PXDNL: variants seen among roughly 807,000 people sequenced by gnomAD.
PXDNL encodes the protein peroxidasin like, also known as probable oxidoreductase PXDNL.
A neutral mutation model predicts 150.8 loss-of-function variants in PXDNL; 145 were observed. The ratio of observed to expected loss-of-function variants is 0.96; its 90% CI spans 0.84 to 1.10. The LOEUF (loss-of-function observed/expected upper bound fraction) is 1.10, where lower values mean the gene tolerates loss of function less well. Among genes scored for constraint, PXDNL ranks in the 50% least tolerant of loss-of-function variants. PXDNL has a pLI of 0.00. For synonymous variants in PXDNL, 757 were observed against 725.7 expected, an observed-to-expected ratio of 1.04 and a Z score of -0.69; for missense variants, 2,087 against 1,873.9, an observed-to-expected ratio of 1.11 and a Z score of -2.10.
At chr8:51,397,812 T>G (rs1450770986) in intron 17 of PXDNL, among the ~76,000 whole-genome samples, 1 of 152,120 alleles carries the variant, frequency 6.6e-6, no homozygotes, top group Non-Finnish European at 1.5e-5. Flanking sequence ...CGTGCATGTT[T>G]GTTACATATG....
rs117339150 is a variant in PXDNL at position 51,650,574 on chromosome 8, G to A, written c.236+4115C>T. Among the ~76,000 whole-genome samples the A allele has an allele frequency of 3.7e-3, 568 of 152,210 alleles. 4 individuals carry two copies. The highest frequency in any genetic ancestry group is 5.6e-3 in the Non-Finnish European group (378 of 68,008). On this transcript the variant is annotated intron_variant, in intron 2 of 22. Transcript: ENST00000356297. ...AGCTAGCACTGTATTCAGTGCTCAGGCCCTGTTGCTTGTGGAAATTGCCCT... is the reference window on the plus strand; with the variant it reads ...AGCTAGCACTGTATTCAGTGCTCAGACCCTGTTGCTTGTGGAAATTGCCCT...
chr8:51,482,982 G>A (rs1439627214), intron 6 of PXDNL, among the ~76,000 whole-genome samples: 1 of 152,084 alleles, frequency 6.6e-6, no homozygotes, highest in Admixed American at 6.5e-5. Flanking sequence ...ATCTTTTTCT[G>A]ATAACTGGAA....
At chr8:51,690,416 G>A (rs1318095245) in intron 1 of PXDNL, among the ~76,000 whole-genome samples, 1 of 152,000 alleles carries the variant, frequency 6.6e-6, no homozygotes. Context: ...GAGAACATGT[G>A]GTGTTTGGTT....
chr8:51,754,281 G>T (rs1487245348), intron 1 of PXDNL, among the ~76,000 whole-genome samples: 1 of 152,142 alleles, frequency 6.6e-6, no homozygotes, highest in African/African-American at 2.4e-5. Context: ...GAATACCCAG[G>T]TGCCAAATCC....
intron 1 of PXDNL, among the ~76,000 whole-genome samples, chr8:51,716,616 T>G (rs562761990): frequency 1.2e-3 from 179 of 152,336 alleles, no homozygotes; most frequent in Non-Finnish European, 2.0e-3. Flanking sequence ...GTGTAAGAGC[T>G]CCAAACGTGT....
intron 2 of PXDNL, among the ~76,000 whole-genome samples, chr8:51,604,254 G>A (rs1173440584): frequency 1.3e-5 from 2 of 152,112 alleles, no homozygotes; most frequent in African/African-American, 2.4e-5. Flanking sequence ...CAACCCAAAT[G>A]TCCAACAACA....
intron 4 of PXDNL, among the ~76,000 whole-genome samples, chr8:51,548,098 A>G (rs1316204138): frequency 2.6e-5 from 4 of 151,112 alleles, no homozygotes; most frequent in Non-Finnish European, 5.9e-5. Context: ...AGAATTCAAA[A>G]AAAAAAAAAA....
intron 1 of PXDNL, among the ~76,000 whole-genome samples, chr8:51,801,309 C>T (rs890860018): frequency 6.6e-6 from 1 of 151,074 alleles, no homozygotes; most frequent in Admixed American, 6.6e-5. Context: ...TCTCTGTTCT[C>T]GAACCCTGTT....
intron 14 of PXDNL, among the ~76,000 whole-genome samples, chr8:51,416,921 T>C (rs1021217126): frequency 2.0e-5 from 3 of 152,260 alleles, no homozygotes; most frequent in African/African-American, 2.4e-5. Context: ...ATGTCAGTTA[T>C]GATTTTTTAA....
At chr8:51,500,040 C>T (rs1235424016) in intron 4 of PXDNL, among the ~76,000 whole-genome samples, 1 of 151,928 alleles carries the variant, frequency 6.6e-6, no homozygotes, top group Non-Finnish European at 1.5e-5. Context: ...CCTCTTGAGT[C>T]GATGCTAACT....
chr8:51,575,252 G>T (rs73588746), intron 3 of PXDNL, among the ~76,000 whole-genome samples: 8,068 of 151,182 alleles, frequency 0.053, 517 homozygotes, highest in African/African-American at 0.16. Context: ...GCTGCACAAA[G>T]ACATAAGAAC....
intron 12 of PXDNL, among the ~76,000 whole-genome samples, chr8:51,436,973 G>A (rs1809422041): frequency 6.6e-6 from 1 of 152,076 alleles, no homozygotes; most frequent in African/African-American, 2.4e-5. Flanking sequence ...TAACCAAGAA[G>A]AGAAAAGAAC....
At chr8:51,467,763 T>A (rs1810234389) in intron 8 of PXDNL, among the ~76,000 whole-genome samples, 1 of 152,090 alleles carries the variant, frequency 6.6e-6, no homozygotes, top group African/African-American at 2.4e-5. Context: ...TTATGCAATC[T>A]TTTTCTATTT....
chr8:51,793,179 G>T (rs1049708589), intron 1 of PXDNL, among the ~76,000 whole-genome samples: 1 of 152,162 alleles, frequency 6.6e-6, no homozygotes, highest in African/African-American at 2.4e-5. Flanking sequence ...ACACTTGCAC[G>T]AGGGACCCAG....
chr8:51,447,272 G>T, intron 11 of PXDNL, 110 bp from the exon 12 acceptor site: 1 of 1,144,554 alleles, frequency 8.7e-7, no homozygotes, highest in Non-Finnish European at 1.2e-6. Context: ...AATTCTCGGT[G>T]CTAGGGTGTA....
At chr8:51,546,401 A>C (rs780082825) in intron 4 of PXDNL, among the ~76,000 whole-genome samples, 1 of 152,154 alleles carries the variant, frequency 6.6e-6, no homozygotes, top group Non-Finnish European at 1.5e-5. Context: ...GGATTTAGGG[A>C]GCTGAGTGAA....
intron 17 of PXDNL, among the ~76,000 whole-genome samples, chr8:51,377,143 CAA>C (rs1491582975): frequency 7.3e-4 from 109 of 149,364 alleles, no homozygotes; most frequent in African/African-American, 2.6e-3. Context: ...CACACACACA[CAA>C]AGCCAAAGCC....
At chr8:51,336,787 G>A (rs533863097) in intron 21 of PXDNL, among the ~76,000 whole-genome samples, 1 of 152,276 alleles carries the variant, frequency 6.6e-6, no homozygotes, top group African/African-American at 2.4e-5. Context: ...GTCACTCAGT[G>A]TACATGAGGC....
intron 19 of PXDNL, among the ~76,000 whole-genome samples, chr8:51,352,946 G>A (rs539222550): frequency 4.8e-4 from 73 of 152,220 alleles, no homozygotes; most frequent in Admixed American, 1.5e-3. Context: ...TGGAGACTCC[G>A]AAAGGTAGGA....
Sources: gnomAD v4.1 joint callset for allele counts (sites outside exome capture counted in the v4.1 genomes callset) on GRCh38, gnomAD v4.1.1 for gene constraint, MANE v1.5 for transcripts, NCBI Gene and HGNC (gene_info 2026-07-23, HGNC 2026-07-21) for gene names.